NTF3: variants seen among roughly 807,000 people sequenced by gnomAD.
NTF3 encodes the protein neurotrophin-3.
Under a neutral mutation model 26.3 loss-of-function variants are expected in NTF3, and 8 were observed. That is an observed-to-expected ratio of 0.30 (90% confidence interval 0.18 to 0.55). NTF3 has a LOEUF of 0.55. Ranked by LOEUF, NTF3 falls within the 20% of genes least tolerant of loss-of-function variation. The pLI is 0.93. For synonymous variants in NTF3, 154 were observed against 145.5 expected (o/e 1.06, Z -0.42); for missense variants, 276 against 352.9 (o/e 0.78, Z 1.75).
chr12:5,433,532 C>A lies in NTF3; in HGVS notation c.18+1190C>A, dbSNP rs1940128127. On this transcript the variant is annotated intron_variant, in intron 1 of 1. Transcript: ENST00000423158. This position sits in a 1 kb window ranked among gnomAD's most constrained non-coding sequence, Gnocchi z 4.6. ...CGGGAGTGGGTGCGCGTCCAGGAGG[C>A]GCTGCTTCTTTGCGGGAGTTTGGCT... Among the ~76,000 whole-genome samples, 1 of 151,906 alleles carries A rather than the reference C, an allele frequency of 6.6e-6. No homozygotes were observed. Among genetic ancestry groups the A allele is most frequent in the South Asian group, 2.1e-4 (1 of 4,818 alleles).
intron 1 of NTF3, among the ~76,000 whole-genome samples, chr12:5,454,017 G>A (rs1940406915): frequency 6.6e-6 from 1 of 151,972 alleles, no homozygotes; most frequent in African/African-American, 2.4e-5. Context: ...GACTACCCCT[G>A]AGAGTTGGGA....
chr12:5,455,401 G>A (rs1256374556), intron 1 of NTF3, among the ~76,000 whole-genome samples: 1 of 152,182 alleles, frequency 6.6e-6, no homozygotes, highest in Non-Finnish European at 1.5e-5. Flanking sequence ...TGTCCAGGAG[G>A]CAGGAGGACG....
upstream of NTF3, among the ~76,000 whole-genome samples, chr12:5,431,765 T>TA (rs1940090607): frequency 6.6e-6 from 1 of 152,124 alleles, no homozygotes; most frequent in African/African-American, 2.4e-5. Context: ...CTGAAGACAC[T>TA]AACATGTAAC....
intron 1 of NTF3, among the ~76,000 whole-genome samples, chr12:5,488,006 G>A (rs142355637): frequency 1.6e-4 from 24 of 152,324 alleles, no homozygotes; most frequent in African/African-American, 5.3e-4. Context: ...CCATAAGACA[G>A]GGAGTTTCAT....
intron 1 of NTF3, among the ~76,000 whole-genome samples, chr12:5,452,088 TTTC>T (rs1940380464): frequency 1.1e-5 from 1 of 88,372 alleles, no homozygotes; most frequent in Non-Finnish European, 2.1e-5. Context: ...CCCATGTCTT[TTTC>T]TTTTCTTTTT....
intron 1 of NTF3, among the ~76,000 whole-genome samples, chr12:5,483,195 TTCTATCTC>T (rs1940828604): frequency 6.7e-6 from 1 of 148,726 alleles, no homozygotes; most frequent in Non-Finnish European, 1.5e-5. Context: ...GTCTCTCTCT[TTCTATCTC>T]TCTCTCTCTC....
At chr12:5,447,640 A>T (rs1346248179) in intron 1 of NTF3, among the ~76,000 whole-genome samples, 1 of 152,228 alleles carries the variant, frequency 6.6e-6, no homozygotes, top group Admixed American at 6.5e-5. Context: ...GATGCATAGG[A>T]TCGTGCTTGG....
At chr12:5,430,805 C>G (rs903502951), upstream of NTF3, among the ~76,000 whole-genome samples, 5 of 152,014 alleles carry the variant, frequency 3.3e-5, no homozygotes, top group African/African-American at 4.8e-5. Flanking sequence ...CGCTGCCCTT[C>G]CCAGTCGCGC....
At chr12:5,488,070 C>T (rs981163976) in intron 1 of NTF3, among the ~76,000 whole-genome samples, 1 of 152,164 alleles carries the variant, frequency 6.6e-6, no homozygotes, top group East Asian at 1.9e-4. Flanking sequence ...GGACACAGAG[C>T]TAGCAGGGAA....
chr12:5,431,937 C>T (rs1291884763), upstream of NTF3, among the ~76,000 whole-genome samples: 2 of 148,992 alleles, frequency 1.3e-5, no homozygotes, highest in Non-Finnish European at 3.0e-5. Context: ...GACCCCTTCC[C>T]CGCCACGGGT....
intron 1 of NTF3, 47 bp downstream of exon 1, chr12:5,432,389 G>C: frequency 6.2e-7 from 1 of 1,601,490 alleles, no homozygotes; most frequent in Non-Finnish European, 8.5e-7. Flanking sequence ...TTGGGGATGG[G>C]GGTCCACGTG....
chr12:5,432,920 G>T (rs868155162), intron 1 of NTF3, among the ~76,000 whole-genome samples: 9 of 152,092 alleles, frequency 5.9e-5, no homozygotes, highest in South Asian at 2.1e-4. Flanking sequence ...TCTGCCGGCC[G>T]CTGAGCCTGA....
chr12:5,467,097 G>A (rs1237211303), intron 1 of NTF3, among the ~76,000 whole-genome samples: 1 of 151,936 alleles, frequency 6.6e-6, no homozygotes, highest in East Asian at 1.9e-4. Context: ...AGGCGTACTG[G>A]CAGGCGCCGG....
chr12:5,448,546 C>A (rs900026298), intron 1 of NTF3, among the ~76,000 whole-genome samples: 1 of 152,112 alleles, frequency 6.6e-6, no homozygotes, highest in Admixed American at 6.5e-5. Flanking sequence ...TGAAAGTCCC[C>A]CTTCTTATTG....
intron 1 of NTF3, among the ~76,000 whole-genome samples, chr12:5,453,374 C>G (rs2121173488): frequency 6.6e-6 from 1 of 152,322 alleles, no homozygotes; most frequent in South Asian, 2.1e-4. Flanking sequence ...GCCTCCCCTT[C>G]CCTAAGAATA....
intron 1 of NTF3, among the ~76,000 whole-genome samples, chr12:5,460,802 C>T (rs538199499): frequency 8.7e-4 from 132 of 152,310 alleles, no homozygotes; most frequent in Middle Eastern, 6.8e-3. Flanking sequence ...CCCTTAATAC[C>T]AGGCCCCAGA....
At chr12:5,471,148 T>A (rs1940661457) in intron 1 of NTF3, among the ~76,000 whole-genome samples, 1 of 152,182 alleles carries the variant, frequency 6.6e-6, no homozygotes, top group Non-Finnish European at 1.5e-5. Context: ...TTGGGTCTCT[T>A]CTAACACTAG....
intron 1 of NTF3, among the ~76,000 whole-genome samples, chr12:5,472,867 A>G (rs987675096): frequency 3.3e-5 from 5 of 152,172 alleles, no homozygotes; most frequent in African/African-American, 9.7e-5. Flanking sequence ...ATAGATATCT[A>G]TGTTGACGCC....
rs202205104 is a variant in NTF3, at chr12:5,494,535, C to T, written c.360C>T (p.Ser120=). The T allele has an allele frequency of 5.0e-6, 8 of 1,614,084 alleles. No individual in the cohort carries two copies. Among genetic ancestry groups the T allele is most frequent in the African/African-American group, 4.0e-5 (3 of 75,040 alleles). The change falls in exon 2 of 2, where the codon AGC becomes AGT. Residue 120 remains serine (S), a synonymous_variant. Transcript: ENST00000423158. This position sits in a 1 kb window ranked among gnomAD's most constrained non-coding sequence, Gnocchi z 8.3. ...ACAACTCACCGCGGGTCCTGCTGAG[C>T]GACAGCACCCCCTTGGAGCCCCCGC... ...RRYNSPRVLL[S]DSTPLEPPPL... is the part of the protein sequence containing the mutation.
Sources: allele counts gnomAD v4.1 joint callset (sites outside exome capture counted in the v4.1 genomes callset), GRCh38; gene constraint gnomAD v4.1.1; non-coding constraint Gnocchi (gnomAD v3.1); transcripts MANE v1.5; gene names NCBI Gene and HGNC (gene_info 2026-07-23, HGNC 2026-07-21).